The following ABCC1 variants were observed in gnomAD, a reference collection of about 807,000 sequenced individuals.
ABCC1 encodes the protein multidrug resistance-associated protein 1.
A neutral mutation model predicts 172.9 loss-of-function variants in ABCC1; 83 were observed. The ratio of observed to expected loss-of-function variants is 0.48; its 90% CI spans 0.40 to 0.58. The LOEUF (loss-of-function observed/expected upper bound fraction) is 0.58, where lower values mean the gene tolerates loss of function less well. ABCC1 is among the 20% of genes least tolerant of loss of function. The pLI is 0.00. For synonymous variants in ABCC1, 937 were observed against 825.2 expected (o/e 1.14, Z -2.32); for missense variants, 1,817 against 2,002.7 (o/e 0.91, Z 1.77).
intron 7 of ABCC1, among the ~76,000 whole-genome samples, chr16:16,042,622 G>T (rs2049019689): frequency 1.3e-5 from 2 of 151,458 alleles, no homozygotes; most frequent in Non-Finnish European, 2.9e-5. Flanking sequence ...AGAATCGCTT[G>T]AACGCAGGAG....
chr16:16,106,728 G>C lies in ABCC1; in HGVS notation c.2736-10G>C, dbSNP rs990834847. On this transcript the variant is annotated splice_polypyrimidine_tract_variant and intron_variant, in intron 20 of 30. Transcript: ENST00000399410. ...TGTACGGTTGACACCCTTGTGCTTT[G>C]CTTCTCCAGACAGCTCAGCAGCTCC... 7.4e-6 allele frequency: 12 copies of C among 1,613,746 alleles called. No individual in the cohort carries two copies. The African/African-American group carries it at 1.5e-4, about 20-fold the overall frequency.
intron 17 of ABCC1, 143 bp from the exon 18 acceptor site, chr16:16,086,681 C>T: frequency 1.2e-6 from 1 of 815,210 alleles, no homozygotes; most frequent in Non-Finnish European, 2.0e-6. Context: ...ATTGCTCAGG[C>T]TGGTCTCAAA....
intron 29 of ABCC1, among the ~76,000 whole-genome samples, chr16:16,137,278 A>C (rs1473570361): frequency 6.6e-6 from 1 of 151,900 alleles, no homozygotes; most frequent in Non-Finnish European, 1.5e-5. Flanking sequence ...CTGTTGGCTG[A>C]TCTCGGGGTC....
At chr16:16,003,217 A>T (rs1171385922) in intron 1 of ABCC1, among the ~76,000 whole-genome samples, 2 of 144,856 alleles carry the variant, frequency 1.4e-5, no homozygotes, top group African/African-American at 5.2e-5. Flanking sequence ...GAATTGGTGG[A>T]TGGGTAGGTG....
At chr16:16,116,140 G>A (rs188320962) in intron 23 of ABCC1, among the ~76,000 whole-genome samples, 13 of 152,024 alleles carry the variant, frequency 8.6e-5, no homozygotes, top group Non-Finnish European at 5.9e-5. Flanking sequence ...TCCTGACCTC[G>A]TGATTCGCCT....
intron 1 of ABCC1, among the ~76,000 whole-genome samples, chr16:15,977,236 A>G (rs1422390002): frequency 6.6e-6 from 1 of 152,142 alleles, no homozygotes; most frequent in African/African-American, 2.4e-5. Flanking sequence ...TCTGAGTTTC[A>G]CAACTTCTGG....
chr16:16,079,497 G>C lies in ABCC1; in HGVS notation c.2115+19G>C. The C allele has an allele frequency of 6.3e-7, 1 of 1,598,794 alleles. No homozygotes were observed. Among genetic ancestry groups the C allele is most frequent in the Non-Finnish European group, 8.6e-7 (1 of 1,167,858 alleles). On this transcript the variant is annotated intron_variant, in intron 16 of 30. Transcript: ENST00000399410. ...TATCAAGGTAGGATGAGGACCAGCG[G>C]GGAGGGGCAGTGGGGAAGCTGGTGG...
chr16:16,121,522 G>C (rs2045156692), intron 23 of ABCC1, among the ~76,000 whole-genome samples: 1 of 152,214 alleles, frequency 6.6e-6, no homozygotes, highest in African/African-American at 2.4e-5. Flanking sequence ...GAGGTGAAAG[G>C]CTTCAGAGAG....
intron 10 of ABCC1, 74 bp from the exon 11 acceptor site, chr16:16,052,650 C>T: frequency 6.9e-7 from 1 of 1,455,812 alleles, no homozygotes; most frequent in Non-Finnish European, 9.6e-7. Flanking sequence ...TGGGATGGAT[C>T]AACCGGGGAA....
At chr16:15,970,335 C>A (rs904196457) in intron 1 of ABCC1, among the ~76,000 whole-genome samples, 1 of 152,190 alleles carries the variant, frequency 6.6e-6, no homozygotes, top group African/African-American at 2.4e-5. Context: ...AGGTTGCCTA[C>A]GTCTCTCCTC....
chr16:16,072,913 G>A (rs1440014444), intron 14 of ABCC1, among the ~76,000 whole-genome samples: 1 of 151,508 alleles, frequency 6.6e-6, no homozygotes, highest in Non-Finnish European at 1.5e-5. Context: ...ATGGTGTTGG[G>A]CACCTGTAAT....
At chr16:16,032,717 G>A (rs1259429778) in intron 5 of ABCC1, among the ~76,000 whole-genome samples, 1 of 152,188 alleles carries the variant, frequency 6.6e-6, no homozygotes, top group Admixed American at 6.5e-5. Context: ...TTGTCGTGGG[G>A]ATATAAGGCA....
chr16:15,962,511 G>A (rs1199364372), intron 1 of ABCC1, among the ~76,000 whole-genome samples: 1 of 152,186 alleles, frequency 6.6e-6, no homozygotes, highest in Non-Finnish European at 1.5e-5. Flanking sequence ...AAAAATACCT[G>A]AGACTGCGTA....
intron 19 of ABCC1, among the ~76,000 whole-genome samples, chr16:16,100,733 G>C (rs1203955511): frequency 6.6e-6 from 1 of 152,112 alleles, no homozygotes; most frequent in East Asian, 1.9e-4. Context: ...CGCCATCACT[G>C]AACACTTGCT....
chr16:16,059,815 C>T (rs1170569732), intron 12 of ABCC1, among the ~76,000 whole-genome samples: 1 of 150,874 alleles, frequency 6.6e-6, no homozygotes, highest in Non-Finnish European at 1.5e-5. Context: ...CTGCTGCCCC[C>T]CCACCCCCTC....
chr16:15,970,781 G>A (rs994151878), intron 1 of ABCC1, among the ~76,000 whole-genome samples: 2 of 152,154 alleles, frequency 1.3e-5, no homozygotes, highest in African/African-American at 4.8e-5. Context: ...AATTTGTACA[G>A]ATGAGGTCTC....
At chr16:16,014,983 G>A (rs991189752) in intron 4 of ABCC1, among the ~76,000 whole-genome samples, 15 of 152,116 alleles carry the variant, frequency 9.9e-5, no homozygotes, top group Middle Eastern at 3.2e-3. Context: ...GAGCCGAGCC[G>A]GGAACGGTGT....
At position 15,978,553 on chromosome 16, in the gene ABCC1, C is replaced by A. The variant is rs138184433; in HGVS notation, c.48+28754C>A. 2.1e-3 allele frequency among the ~76,000 whole-genome samples: 326 copies of A among 152,174 alleles called. 4 individuals are homozygous for A. The highest frequency in any genetic ancestry group is 7.0e-3 in the African/African-American group (289 of 41,510). ...ATCTTTTGTAATGGCCATTTATGGA[C>A]AAATCGTATCTTATATTCAAGATTC... On this transcript the variant is annotated intron_variant, in intron 1 of 30. Coordinates refer to ENST00000399410, the MANE Select transcript of ABCC1 (RefSeq NM_004996.4).
chr16:16,060,565 C>T (rs987206956), intron 12 of ABCC1, among the ~76,000 whole-genome samples: 2 of 152,098 alleles, frequency 1.3e-5, no homozygotes, highest in African/African-American at 2.4e-5. Context: ...CTCTGTCACC[C>T]AGGCTGAAGT....
Sources: gnomAD v4.1 joint callset for allele counts (sites outside exome capture counted in the v4.1 genomes callset) on GRCh38, gnomAD v4.1.1 for gene constraint, MANE v1.5 for transcripts, NCBI Gene and HGNC (gene_info 2026-07-23, HGNC 2026-07-21) for gene names.